CYP27A1: variants seen among roughly 807,000 people sequenced by gnomAD.
CYP27A1 encodes sterol 26-hydroxylase, mitochondrial.
In CYP27A1, 46 loss-of-function variants were observed where a neutral mutation model predicts 58.2. The observed-to-expected ratio is 0.79, with a 90% confidence interval of 0.62 to 1.01. CYP27A1 has a LOEUF of 1.01. Ranked by LOEUF, CYP27A1 falls within the 50% of genes least tolerant of loss-of-function variation. The pLI is 0.00. For synonymous variants in CYP27A1, 274 were observed against 285.1 expected, an observed-to-expected ratio of 0.96 and a Z score of 0.39; for missense variants, 704 against 687.0, an observed-to-expected ratio of 1.02 and a Z score of -0.28.
At chr2:218,804,960 T>C (rs552655914) in intron 1 of CYP27A1, among the ~76,000 whole-genome samples, 25 of 152,340 alleles carry the variant, frequency 1.6e-4, no homozygotes, top group African/African-American at 5.8e-4. Context: ...GGCTGCCTTC[T>C]TCCTGTGCCC....
At chr2:218,786,273 C>T (rs562882012) in intron 1 of CYP27A1, among the ~76,000 whole-genome samples, 168 of 150,260 alleles carry the variant, frequency 1.1e-3, no homozygotes, top group Middle Eastern at 0.01. Context: ...ATTAGCTTAC[C>T]TCTGTGGAGG....
rs397515355 is a variant in CYP27A1 at position 218,814,459 on chromosome 2, G to T, written c.1263+1G>T. 5 of 1,614,094 alleles carry T rather than the reference G, an allele frequency of 3.1e-6. No individual in the cohort carries two copies. The highest frequency in any genetic ancestry group is 4.2e-6 in the Non-Finnish European group (5 of 1,180,020). On this transcript the variant is annotated splice_donor_variant, in intron 7 of 8. Transcript: ENST00000258415. LOFTEE classifies it high-confidence loss of function. ...TGATGGCTTCCTCTTCCCCAAGAAC[G>T]TGAGTGGGGCTAGAGAGCCCGATTG...
intron 1 of CYP27A1, among the ~76,000 whole-genome samples, chr2:218,792,078 C>G (rs961313081): frequency 6.6e-6 from 1 of 152,070 alleles, no homozygotes; most frequent in African/African-American, 2.4e-5. Flanking sequence ...CACACACACA[C>G]ACACACATTT....
chr2:218,799,257 G>A (rs909211159), intron 1 of CYP27A1, among the ~76,000 whole-genome samples: 6 of 151,832 alleles, frequency 4.0e-5, no homozygotes, highest in East Asian at 1.9e-4. Flanking sequence ...TTATCTAGAC[G>A]CCGCGGTGAA....
In CYP27A1 at chr2:218,809,739, C is replaced by T; in HGVS notation, c.418C>T (p.His140Tyr). 6.2e-7 allele frequency: 1 copy of T among 1,613,942 alleles called. No homozygotes were observed. The highest frequency in any genetic ancestry group is 1.1e-5 in the South Asian group (1 of 91,072). Residue 140 changes from histidine (H) to tyrosine (Y), a missense_variant, in exon 2 of 9, where the codon CAC (histidine) becomes TAC (tyrosine). Physicochemically the swap from His to Tyr is moderately conservative, Grantham distance 83. Transcript: ENST00000258415. ...MELWKEHRDQ[H>Y]DLTYGPFTTE... ...GCTATGGAAGGAGCACCGGGACCAG[C>T]ACGACCTGACCTATGGGCCGTTCAC... is the stretch of plus-strand genomic sequence containing the variant.
intron 2 of CYP27A1, among the ~76,000 whole-genome samples, chr2:218,811,149 A>G (rs1019733554): frequency 6.6e-6 from 1 of 152,200 alleles, no homozygotes; most frequent in African/African-American, 2.4e-5. Context: ...AAACAAAACA[A>G]ACAAAAATAC....
chr2:218,793,162 G>A (rs1375400110), intron 1 of CYP27A1, among the ~76,000 whole-genome samples: 1 of 152,088 alleles, frequency 6.6e-6, no homozygotes, highest in East Asian at 1.9e-4. Context: ...TGCAACCTCC[G>A]CTTCCTGGGT....
At chr2:218,809,840 G>A in intron 2 of CYP27A1, 73 bp downstream of exon 2, 4 of 1,427,298 alleles carry the variant, frequency 2.8e-6, no homozygotes, top group Non-Finnish European at 3.9e-6. Flanking sequence ...CACAGGGCAG[G>A]CAGGTGGATA....
At chr2:218,803,192 C>T (rs1157725971) in intron 1 of CYP27A1, among the ~76,000 whole-genome samples, 4 of 152,096 alleles carry the variant, frequency 2.6e-5, no homozygotes, top group Non-Finnish European at 5.9e-5. Context: ...CTCCTGGACT[C>T]GAGTGATCTG....
At chr2:218,799,640 C>A (rs533129224) in intron 1 of CYP27A1, among the ~76,000 whole-genome samples, 2 of 152,138 alleles carry the variant, frequency 1.3e-5, no homozygotes, top group African/African-American at 4.8e-5. Flanking sequence ...CTCACACCAA[C>A]CTCCATAATC....
In CYP27A1 at chr2:218,815,185, C is replaced by T; in HGVS notation, c.*155C>T. The T allele has an allele frequency of 1.2e-6, 1 of 818,296 alleles. No homozygotes were observed. Among genetic ancestry groups the T allele is most frequent in the South Asian group, 1.6e-5 (1 of 63,660 alleles). The allele number at this position is 818,296 out of a possible 1,614,324, so 50.7% of individuals were successfully genotyped here. On this transcript the variant is annotated 3_prime_UTR_variant, in exon 9 of 9. Transcript: ENST00000258415. ...CCTTGCACACACCCTGAGCTTTTGC[C>T]ACTTCTATCATTTTTGAGCAACTCC...
In CYP27A1 at chr2:218,814,983, G is replaced by C; in HGVS notation, c.1549G>C (p.Val517Leu). 1 of 1,614,226 alleles carries C rather than the reference G, an allele frequency of 6.2e-7. No individual in the cohort carries two copies. Among genetic ancestry groups the C allele is most frequent in the South Asian group, 1.1e-5 (1 of 91,082 alleles). ...GAAGAGTGTGGCCCGCATTGTCCTG[G>C]TTCCCAATAAGAAAGTGGGCCTGCA... ...ELKSVARIVL[V>L]PNKKVGLQFL... is the part of the protein sequence containing the mutation. The change falls in exon 9 of 9, where the codon GTT becomes CTT. Residue 517 changes from valine (V) to leucine (L), a missense_variant. Physicochemically the swap from Val to Leu is conservative, Grantham distance 32 (BLOSUM62 1). Transcript: ENST00000258415.
intron 1 of CYP27A1, among the ~76,000 whole-genome samples, chr2:218,785,410 A>T (rs912256110): frequency 6.6e-6 from 1 of 151,980 alleles, no homozygotes; most frequent in African/African-American, 2.4e-5. Flanking sequence ...GTTGTTGGGG[A>T]TCCCTGCTTT....
At position 218,812,221 on chromosome 2, in the gene CYP27A1, G is replaced by A. The variant is rs2105979879; in HGVS notation, c.447-1G>A. 6.2e-7 allele frequency: 1 copy of A among 1,613,540 alleles called. No homozygotes were observed. Among genetic ancestry groups the A allele is most frequent in the Non-Finnish European group, 8.5e-7 (1 of 1,179,550 alleles). Reference sequence around the variant, plus strand: ...TGTGCTGTTCCTCTGCGTCCCTGCAGGGAAGGACACCACTGGTACCAGCTG... The same window carrying A: ...TGTGCTGTTCCTCTGCGTCCCTGCAAGGAAGGACACCACTGGTACCAGCTG... On this transcript the variant is annotated splice_acceptor_variant, in intron 2 of 8. Coordinates refer to ENST00000258415, the MANE Select transcript of CYP27A1 (RefSeq NM_000784.4). LOFTEE classifies it high-confidence loss of function.
intron 4 of CYP27A1, 64 bp downstream of exon 4, chr2:218,812,813 C>A: frequency 6.2e-7 from 1 of 1,603,904 alleles, no homozygotes; most frequent in Non-Finnish European, 8.5e-7. Context: ...TGTGCATCAG[C>A]GGTCTCTCCC....
intron 1 of CYP27A1, among the ~76,000 whole-genome samples, chr2:218,783,430 C>G (rs528814735): frequency 6.6e-6 from 1 of 152,162 alleles, no homozygotes; most frequent in Admixed American, 6.5e-5. Flanking sequence ...GACCGGAAAA[C>G]CCAACACTGA....
chr2:218,792,266 C>A (rs1943501162), intron 1 of CYP27A1, among the ~76,000 whole-genome samples: 1 of 152,170 alleles, frequency 6.6e-6, no homozygotes, highest in Non-Finnish European at 1.5e-5. Context: ...AGGTGCATAG[C>A]ACTAATAATT....
Position 218,782,420 on chromosome 2 carries a change from C to A in CYP27A1, c.238C>A (p.Gln80Lys), listed in dbSNP as rs1943401478. Residue 80 changes from glutamine to lysine, a missense_variant, in exon 1 of 9, where the codon CAA becomes AAA. Physicochemically the swap from Gln to Lys is moderately conservative, Grantham distance 53. Transcript: ENST00000258415. The surrounding 1 kb of genome is among the most constrained non-coding windows in gnomAD (Gnocchi z 4.1). Reference sequence around the variant, plus strand: ...GCTGTTCGTTCAAGGCTATGCCCTGCAACTGCACCAGTTACAGGTAACCCG... The same window carrying A: ...GCTGTTCGTTCAAGGCTATGCCCTGAAACTGCACCAGTTACAGGTAACCCG... ...FQLFVQGYAL[Q>K]LHQLQVLYKA... 1 of 1,614,096 alleles carries A rather than the reference C, an allele frequency of 6.2e-7. No individual in the cohort carries two copies. Among genetic ancestry groups the A allele is most frequent in the African/African-American group, 1.3e-5 (1 of 74,956 alleles).
In CYP27A1 at chr2:218,782,498, A is replaced by G; in HGVS notation, c.255+61A>G. On this transcript the variant is annotated intron_variant, in intron 1 of 8. Transcript: ENST00000258415. The surrounding 1 kb of genome is among the most constrained non-coding windows in gnomAD (Gnocchi z 4.1). ...GTGGGCACCGGAACAGAGAGGCTAG[A>G]GGTGAGAAGACGTTGGACAGAAAGT... is the stretch of plus-strand genomic sequence containing the variant. 6.2e-7 allele frequency: 1 copy of G among 1,606,228 alleles called. No individual in the cohort carries two copies. The highest frequency in any genetic ancestry group is 1.7e-5 in the Admixed American group (1 of 59,980).
Sources: allele counts gnomAD v4.1 joint callset (sites outside exome capture counted in the v4.1 genomes callset), GRCh38; gene constraint gnomAD v4.1.1; non-coding constraint Gnocchi (gnomAD v3.1); transcripts MANE v1.5; gene names NCBI Gene and HGNC (gene_info 2026-07-23, HGNC 2026-07-21).